CRACDL: variants seen among roughly 807,000 people sequenced by gnomAD.
CRACDL encodes the protein CRACD like.
In CRACDL, 26 loss-of-function variants were observed where a neutral mutation model predicts 70.6. That is an observed-to-expected ratio of 0.37 (90% CI 0.27 to 0.51). CRACDL has a LOEUF of 0.51. Ranked by LOEUF, CRACDL falls within the 20% of genes least tolerant of loss-of-function variation. The probability of loss-of-function intolerance (pLI) is 0.94; values close to 1 mark genes in which losing one functional copy is unlikely to be tolerated. For missense variants in CRACDL, 1,283 were observed against 1,376.9 expected (o/e 0.93, Z 1.08); for synonymous variants, 618 against 615.2 (o/e 1.00, Z -0.07).
At position 98,832,230 on chromosome 2, in the gene CRACDL, G is replaced by C. The variant is rs1225395766; in HGVS notation, c.540+118C>G. On this transcript the variant is annotated intron_variant, in intron 5 of 9. Transcript: ENST00000397899. Reference sequence around the variant, plus strand: ...GCTGATTGTAGGCTCCAGTGACCCAGTTGGCCACACCATGCACAGCCTGGA... The same window carrying C: ...GCTGATTGTAGGCTCCAGTGACCCACTTGGCCACACCATGCACAGCCTGGA... 11 of 1,054,210 alleles carry C rather than the reference G, an allele frequency of 1.0e-5. No individual in the cohort carries two copies. In the East Asian group the frequency reaches 1.2e-4, roughly 11 times the overall value. The allele number at this position is 1,054,210 out of a possible 1,614,324, so 65.3% of individuals were successfully genotyped here. A position where few individuals can be genotyped will look rare whatever the true frequency, so the allele number is the denominator to read the frequency against.
At position 98,796,193 on chromosome 2, in the gene CRACDL, G is replaced by A. The variant is rs752033339; in HGVS notation, c.2676C>T (p.Asp892=). Residue 892 remains aspartate, a synonymous_variant, in exon 9 of 10, where the codon GAC becomes GAT. Transcript: ENST00000397899. The stretch of plus-strand genomic sequence containing the variant: ...AGTTGAGCTTTGCCCCCTGCTTCCG[G>A]TCCACAGCGGGCTTCACAGGGGTTA... ...FLITPVKPAV[D]RKQGAKLNFK... is the part of the protein sequence containing the mutation. The A allele has an allele frequency of 4.3e-6, 7 of 1,614,076 alleles. No homozygotes were observed. In the Admixed American group the frequency reaches 8.3e-5, roughly 19 times the overall value.
chr2:98,885,067 T>C (rs1470959885), intron 1 of CRACDL, among the ~76,000 whole-genome samples: 1 of 152,048 alleles, frequency 6.6e-6, no homozygotes, highest in African/African-American at 2.4e-5. Context: ...TAGAAAGGTG[T>C]AGGAGTGTGG....
At chr2:98,852,544 CA>C (rs1406267728) in intron 1 of CRACDL, among the ~76,000 whole-genome samples, 1 of 151,564 alleles carries the variant, frequency 6.6e-6, no homozygotes, top group African/African-American at 2.4e-5. Flanking sequence ...CTTAAATAGC[CA>C]ACAAAGACTT....
At chr2:98,922,190 C>T (rs1708819750) in intron 1 of CRACDL, among the ~76,000 whole-genome samples, 1 of 151,930 alleles carries the variant, frequency 6.6e-6, no homozygotes, top group Non-Finnish European at 1.5e-5. Flanking sequence ...GATCCCAGCA[C>T]TTTGGGAGGC....
intron 1 of CRACDL, among the ~76,000 whole-genome samples, chr2:98,909,443 G>T (rs975265738): frequency 1.3e-5 from 2 of 152,186 alleles, no homozygotes; most frequent in African/African-American, 4.8e-5. Flanking sequence ...TTATGATTAC[G>T]AGATAAGGAT....
intron 7 of CRACDL, among the ~76,000 whole-genome samples, chr2:98,798,443 CAAAAAAAAAAAAAAAAAAAA>C (rs70940125): frequency 4.5e-5 from 2 of 44,330 alleles, no homozygotes; most frequent in Admixed American, 2.8e-4. Context: ...GACTCCGTCT[CAAAAAAAAAAAAAAAAAAAA>C]AAAAAAAAAA....
chr2:98,803,052 T>C (rs1278374987), intron 7 of CRACDL, among the ~76,000 whole-genome samples: 2 of 146,940 alleles, frequency 1.4e-5, no homozygotes, highest in Non-Finnish European at 3.0e-5. Flanking sequence ...CAGGCTGGAG[T>C]GCAGTGGCGC....
rs1275076263 is a variant in CRACDL, at chr2:98,822,526, G to T, written c.1747C>A (p.Pro583Thr). The change falls in exon 7 of 10, where the codon CCT becomes ACT. Residue 583 changes from proline to threonine, a missense_variant. Physicochemically the swap from Pro to Thr is conservative, Grantham distance 38. Transcript: ENST00000397899. The surrounding 1 kb of genome is among the most constrained non-coding windows in gnomAD (Gnocchi z 4.9). ...KFSVSSCRAR[P>T]RPGVSRPLER... ...AGCGGGCGGGAGACGCCCGGACGAGGCCGCGCTCGGCACGAGGACACCGAG... is the reference window on the plus strand; with the variant it reads ...AGCGGGCGGGAGACGCCCGGACGAGTCCGCGCTCGGCACGAGGACACCGAG... 12 of 1,459,068 alleles carry T rather than the reference G, an allele frequency of 8.2e-6. No homozygotes were observed. The South Asian group carries it at 1.4e-4, about 18-fold the overall frequency. 90.4% of individuals were successfully genotyped at this position (1,459,068 alleles called of 1,614,324 possible). A position where few individuals can be genotyped will look rare whatever the true frequency, so the allele number is the denominator to read the frequency against.
intron 5 of CRACDL, among the ~76,000 whole-genome samples, chr2:98,831,475 G>A (rs899627890): frequency 9.9e-5 from 15 of 152,212 alleles, no homozygotes; most frequent in African/African-American, 3.6e-4. Flanking sequence ...CAGGCCAGAG[G>A]TGACAGGGGA....
intron 1 of CRACDL, among the ~76,000 whole-genome samples, chr2:98,931,324 C>CAAA (rs530900049): frequency 2.1e-5 from 2 of 96,244 alleles, no homozygotes; most frequent in Admixed American, 1.1e-4. Context: ...GACTCCATCT[C>CAAA]AAAAAAAAAA....
intron 1 of CRACDL, among the ~76,000 whole-genome samples, chr2:98,915,153 G>A (rs1708636404): frequency 6.6e-6 from 1 of 152,218 alleles, no homozygotes; most frequent in Admixed American, 6.5e-5. Context: ...ACTCATGCTT[G>A]GAGTGATAAG....
intron 1 of CRACDL, among the ~76,000 whole-genome samples, chr2:98,915,790 G>A (rs1243435935): frequency 2.6e-5 from 4 of 152,112 alleles, no homozygotes; most frequent in South Asian, 2.1e-4. Context: ...CTCTCCCACC[G>A]AGGCAAGGCA....
intron 5 of CRACDL, among the ~76,000 whole-genome samples, chr2:98,829,736 AG>A (rs1334466019): frequency 6.6e-6 from 1 of 152,222 alleles, no homozygotes; most frequent in Non-Finnish European, 1.5e-5. Flanking sequence ...CCTGAGTGAC[AG>A]GTGCTTTAGG....
chr2:98,816,524 T>C (rs1326644306), intron 7 of CRACDL, among the ~76,000 whole-genome samples: 1 of 152,148 alleles, frequency 6.6e-6, no homozygotes, highest in Non-Finnish European at 1.5e-5. Context: ...GAATTATGAA[T>C]GCTGAAGTGT....
intron 7 of CRACDL, among the ~76,000 whole-genome samples, chr2:98,801,584 G>A (rs896481041): frequency 1.3e-5 from 2 of 152,212 alleles, no homozygotes; most frequent in Non-Finnish European, 2.9e-5. Context: ...CATAATCCAC[G>A]ACCTATGCCT....
intron 2 of CRACDL, 151 bp downstream of exon 2, chr2:98,846,580 A>C: frequency 1.6e-6 from 1 of 620,760 alleles, no homozygotes; most frequent in East Asian, 2.8e-5. Flanking sequence ...CCCCAGTCAC[A>C]GCGTGAAGGG....
At chr2:98,817,449 T>A (rs1433933847) in intron 7 of CRACDL, among the ~76,000 whole-genome samples, 1 of 152,230 alleles carries the variant, frequency 6.6e-6, no homozygotes, top group African/African-American at 2.4e-5. Context: ...CAGCTTGTAT[T>A]CTAACCCAAA....
chr2:98,830,206 A>G (rs773242182), intron 5 of CRACDL, among the ~76,000 whole-genome samples: 1 of 152,260 alleles, frequency 6.6e-6, no homozygotes, highest in South Asian at 2.1e-4. Flanking sequence ...AACTTTCATC[A>G]GTTGTTATCA....
chr2:98,796,013 A>G, intron 9 of CRACDL, 107 bp downstream of exon 9: 1 of 1,014,430 alleles, frequency 9.9e-7, no homozygotes, highest in Non-Finnish European at 1.6e-6. Flanking sequence ...TAGAAAACTC[A>G]ATGTTGCAAG....
Sources: gnomAD v4.1 joint callset for allele counts (sites outside exome capture counted in the v4.1 genomes callset) on GRCh38, gnomAD v4.1.1 for gene constraint, Gnocchi (gnomAD v3.1) non-coding constraint, MANE v1.5 for transcripts, NCBI Gene and HGNC (gene_info 2026-07-23, HGNC 2026-07-21) for gene names.